The following WDR72 variants were observed in gnomAD, a reference collection of about 807,000 sequenced individuals.
WDR72 encodes WD repeat-containing protein 72.
Under a neutral mutation model 124.2 loss-of-function variants are expected in WDR72, and 120 were observed. The observed-to-expected ratio is 0.97, with a 90% confidence interval of 0.83 to 1.12. The LOEUF is 1.12. Ranked by LOEUF, WDR72 falls within the 50% of genes most tolerant of loss-of-function variation. The pLI, the probability that WDR72 is intolerant of heterozygous loss-of-function variation, is 0.00. For missense variants in WDR72, 1,387 were observed against 1,278.8 expected (o/e 1.08, Z -1.29); for synonymous variants, 452 against 441.7 (o/e 1.02, Z -0.29).
chr15:53,728,219 A>G (rs943407812), intron 2 of WDR72, among the ~76,000 whole-genome samples: 1 of 152,150 alleles, frequency 6.6e-6, no homozygotes, highest in African/African-American at 2.4e-5. Context: ...AGGCAAAGAG[A>G]GATATTGGCA....
intron 18 of WDR72, among the ~76,000 whole-genome samples, chr15:53,587,931 T>G (rs534010192): frequency 6.6e-6 from 1 of 152,126 alleles, no homozygotes; most frequent in South Asian, 2.1e-4. Context: ...CTCAGGGGGT[T>G]GAAAATGAAG....
At chr15:53,632,788 C>T (rs1278656926) in intron 14 of WDR72, among the ~76,000 whole-genome samples, 2 of 152,340 alleles carry the variant, frequency 1.3e-5, no homozygotes, top group Non-Finnish European at 2.9e-5. Flanking sequence ...GACTGCCTTG[C>T]TGGGTTTCAG....
At chr15:53,724,274 G>A (rs1222297901) in intron 2 of WDR72, among the ~76,000 whole-genome samples, 1 of 152,204 alleles carries the variant, frequency 6.6e-6, no homozygotes, top group Non-Finnish European at 1.5e-5. Flanking sequence ...CAAATTTCCT[G>A]AGAGAGTAGG....
At chr15:53,685,691 G>A (rs1280293316) in intron 13 of WDR72, among the ~76,000 whole-genome samples, 3 of 151,058 alleles carry the variant, frequency 2.0e-5, no homozygotes, top group Non-Finnish European at 4.4e-5. Context: ...CCAACATTCA[G>A]ATTCAGGAAA....
At chr15:53,629,377 T>TAA (rs909796162) in intron 14 of WDR72, among the ~76,000 whole-genome samples, 3 of 151,572 alleles carry the variant, frequency 2.0e-5, no homozygotes, top group Non-Finnish European at 4.4e-5. Context: ...TAACTCCAGA[T>TAA]AAAATCAGTG....
At chr15:53,537,598 G>T (rs747082981) in intron 18 of WDR72, among the ~76,000 whole-genome samples, 2 of 152,090 alleles carry the variant, frequency 1.3e-5, no homozygotes, top group Non-Finnish European at 2.9e-5. Flanking sequence ...CCTACCAGGG[G>T]CAAGAAACTG....
chr15:53,752,490 G>A (rs1483923650), intron 1 of WDR72, among the ~76,000 whole-genome samples: 1 of 152,120 alleles, frequency 6.6e-6, no homozygotes, highest in Non-Finnish European at 1.5e-5. Flanking sequence ...ACTTCTGCAG[G>A]CCAAGGAACA....
At chr15:53,691,413 C>T (rs1595853851) in intron 13 of WDR72, among the ~76,000 whole-genome samples, 1 of 152,242 alleles carries the variant, frequency 6.6e-6, no homozygotes, top group South Asian at 2.1e-4. Context: ...GTTCCTTATA[C>T]ATTCTGGGTA....
At chr15:53,667,370 A>C (rs1191698449) in intron 13 of WDR72, among the ~76,000 whole-genome samples, 3 of 152,276 alleles carry the variant, frequency 2.0e-5, no homozygotes, top group East Asian at 1.9e-4. Context: ...GAATAAACAC[A>C]AAGTTCGTCA....
At chr15:53,738,875 G>A (rs1385827835) in intron 1 of WDR72, among the ~76,000 whole-genome samples, 2 of 152,162 alleles carry the variant, frequency 1.3e-5, no homozygotes, top group African/African-American at 4.8e-5. Context: ...CCAAAGTGCT[G>A]GGATTACAGG....
chr15:53,730,838 T>C (rs1287698622), intron 2 of WDR72, among the ~76,000 whole-genome samples: 2 of 152,174 alleles, frequency 1.3e-5, no homozygotes, highest in Non-Finnish European at 2.9e-5. Context: ...ATTAATCTAC[T>C]CACTTGACCA....
chr15:53,666,011 A>C (rs1235341370), intron 13 of WDR72, among the ~76,000 whole-genome samples: 2 of 152,220 alleles, frequency 1.3e-5, no homozygotes, highest in East Asian at 3.8e-4. Context: ...ACTGAAATCA[A>C]CAGGAGATTC....
At chr15:53,716,021 T>C (rs1168890080) in intron 4 of WDR72, among the ~76,000 whole-genome samples, 3 of 152,124 alleles carry the variant, frequency 2.0e-5, no homozygotes, top group Admixed American at 6.6e-5. Flanking sequence ...CCAAAAAAAA[T>C]AGAAGAGAGT....
chr15:53,520,994 G>A (rs1891762758), intron 19 of WDR72, among the ~76,000 whole-genome samples: 1 of 151,978 alleles, frequency 6.6e-6, no homozygotes, highest in South Asian at 2.1e-4. Context: ...CACACAAGGA[G>A]CAATAAATAA....
intron 18 of WDR72, among the ~76,000 whole-genome samples, chr15:53,567,531 T>C (rs575387558): frequency 6.6e-6 from 1 of 152,170 alleles, no homozygotes; most frequent in South Asian, 2.1e-4. Flanking sequence ...CCATGCAGGA[T>C]ACCTGCATAT....
At chr15:53,684,998 G>A (rs1041811319) in intron 13 of WDR72, among the ~76,000 whole-genome samples, 27 of 152,156 alleles carry the variant, frequency 1.8e-4, no homozygotes, top group Admixed American at 6.5e-5. Context: ...GCAGCTGAGG[G>A]TCCTGTCTGT....
chr15:53,556,770 C>G (rs1893948715), intron 18 of WDR72, among the ~76,000 whole-genome samples: 1 of 152,096 alleles, frequency 6.6e-6, no homozygotes, highest in Admixed American at 6.6e-5. Flanking sequence ...AGGCTTTCTA[C>G]AACATGGTTC....
At chr15:53,564,973 G>A (rs1894242749) in intron 18 of WDR72, among the ~76,000 whole-genome samples, 1 of 151,832 alleles carries the variant, frequency 6.6e-6, no homozygotes, top group Non-Finnish European at 1.5e-5. Context: ...TAATTCTAAT[G>A]CAGATAGTCC....
intron 18 of WDR72, among the ~76,000 whole-genome samples, chr15:53,578,732 A>C (rs1376711284): frequency 6.6e-6 from 1 of 150,784 alleles, no homozygotes; most frequent in Non-Finnish European, 1.5e-5. Flanking sequence ...TAAATAAATA[A>C]AACTTAAAAC....
Sources: allele counts gnomAD v4.1 joint callset (sites outside exome capture counted in the v4.1 genomes callset), GRCh38; gene constraint gnomAD v4.1.1; transcripts MANE v1.5; gene names NCBI Gene and HGNC (gene_info 2026-07-23, HGNC 2026-07-21).